The following C1orf174 variants were observed in gnomAD, a reference collection of about 807,000 sequenced individuals.
The protein encoded by C1orf174 is chromosome 1 open reading frame 174.
In C1orf174, 13 loss-of-function variants were observed where a neutral mutation model predicts 18.4. The ratio of observed to expected loss-of-function variants is 0.71; its 90% CI spans 0.46 to 1.12. The LOEUF (loss-of-function observed/expected upper bound fraction) is 1.12. C1orf174 is among the 50% of genes most tolerant of loss of function. The probability of loss-of-function intolerance (pLI) is 0.00; values close to 1 mark genes in which losing one functional copy is unlikely to be tolerated. For synonymous variants in C1orf174, 100 were observed against 118.3 expected, an observed-to-expected ratio of 0.85 and a Z score of 1.01; for missense variants, 309 against 308.0, an observed-to-expected ratio of 1.00 and a Z score of -0.02.
intron 2 of C1orf174, chr1:3,891,274 C>T: frequency 1.7e-6 from 1 of 594,216 alleles, no homozygotes; most frequent in East Asian, 3.3e-5. Context: ...TTTCAGTTTT[C>T]CCTAGTGGCG....
chr1:3,897,576 A>G (rs1638629515), intron 1 of C1orf174, among the ~76,000 whole-genome samples: 1 of 152,264 alleles, frequency 6.6e-6, no homozygotes, highest in Non-Finnish European at 1.5e-5. Context: ...ACCACCAGGA[A>G]TGCAGAGAGA....
chr1:3,899,561 A>G (rs192409879), intron 1 of C1orf174, among the ~76,000 whole-genome samples: 3 of 152,146 alleles, frequency 2.0e-5, no homozygotes, highest in Admixed American at 6.5e-5. Flanking sequence ...CTTTTAGCAC[A>G]TTCAGTAGAT....
chr1:3,898,181 A>C (rs905666875), intron 1 of C1orf174, among the ~76,000 whole-genome samples: 3 of 152,088 alleles, frequency 2.0e-5, no homozygotes, highest in African/African-American at 7.2e-5. Context: ...GCTCAAATAA[A>C]CTTGTCAACC....
At position 3,890,606 on chromosome 1, in the gene C1orf174, G is replaced by A; in HGVS notation, c.581C>T (p.Pro194Leu). The change falls in exon 3 of 4, where the codon CCC becomes CTC. Residue 194 changes from proline to leucine, a missense_variant. Transcript: ENST00000361605. ...FLDDDSNQPMPVSRFFGNVEL... is the reference protein window; with the variant it reads ...FLDDDSNQPMLVSRFFGNVEL... The stretch of plus-strand genomic sequence containing the variant: ...AACGTTTCCAAAGAACCGGCTCACG[G>A]GCATTGGCTGATTGCTGTCGTCATC... The A allele has an allele frequency of 6.2e-7, 1 of 1,614,092 alleles. No homozygotes were observed. The highest frequency in any genetic ancestry group is 8.5e-7 in the Non-Finnish European group (1 of 1,180,018).
At chr1:3,890,321 T>G (rs992390406) in intron 3 of C1orf174, among the ~76,000 whole-genome samples, 1 of 152,094 alleles carries the variant, frequency 6.6e-6, no homozygotes, top group African/African-American at 2.4e-5. Context: ...GGGTGGATGT[T>G]CAAAAAAACC....
At chr1:3,898,394 C>T (rs1230697037) in intron 1 of C1orf174, among the ~76,000 whole-genome samples, 1 of 152,134 alleles carries the variant, frequency 6.6e-6, no homozygotes, top group Non-Finnish European at 1.5e-5. Context: ...CCTGTAATCC[C>T]AGCCATTCCA....
chr1:3,897,175 A>T (rs1307831724), intron 1 of C1orf174, among the ~76,000 whole-genome samples: 1 of 152,262 alleles, frequency 6.6e-6, no homozygotes, highest in African/African-American at 2.4e-5. Context: ...ATACACTGGA[A>T]TAAAAGCAGG....
chr1:3,892,734 C>T (rs1187387186), intron 2 of C1orf174, 149 bp downstream of exon 2: 12 of 1,470,232 alleles, frequency 8.2e-6, no homozygotes, highest in Non-Finnish European at 1.1e-5. Context: ...AATTACAGTG[C>T]TGTCACCTTT....
At chr1:3,894,658 C>G (rs1232001790) in intron 1 of C1orf174, among the ~76,000 whole-genome samples, 2 of 152,078 alleles carry the variant, frequency 1.3e-5, no homozygotes, top group African/African-American at 4.8e-5. Flanking sequence ...CCCCGTAGCC[C>G]AAGACAGCTC....
chr1:3,898,730 T>C (rs78802412), intron 1 of C1orf174, among the ~76,000 whole-genome samples: 1,903 of 152,306 alleles, frequency 0.012, 42 homozygotes, highest in African/African-American at 0.043. Flanking sequence ...AGCAATTGTA[T>C]ACAGTAATAT....
intron 3 of C1orf174, among the ~76,000 whole-genome samples, chr1:3,890,306 G>A (rs921823612): frequency 4.6e-5 from 7 of 152,166 alleles, no homozygotes; most frequent in Non-Finnish European, 8.8e-5. Context: ...TTAACAGCAA[G>A]CGCGGGGTGG....
At position 3,890,007 on chromosome 1, in the gene C1orf174, T is replaced by C; in HGVS notation, c.685A>G (p.Arg229Gly). 6.2e-7 allele frequency: 1 copy of C among 1,614,254 alleles called. No homozygotes were observed. The highest frequency in any genetic ancestry group is 8.5e-7 in the Non-Finnish European group (1 of 1,180,046). The change falls in exon 4 of 4, where the codon AGA (arginine) becomes GGA (glycine). Residue 229 changes from arginine to glycine, a missense_variant. Arg to Gly is a moderately radical substitution (Grantham distance 125, BLOSUM62 -2). Transcript: ENST00000361605. ...TCGTCATCATCATCATCTTTGGCTC[T>C]GAAATGCATTTTTCTGAACTCTCGT... ...SRREFRKMHF[R>G]AKDDDDDDDD...
chr1:3,889,941 A>T lies in C1orf174; in HGVS notation c.*19T>A. ...TGTTAATGGTACTAAATACTCAAGG[A>T]CATTATTTTGTATGGCCCCTACATT... On this transcript the variant is annotated 3_prime_UTR_variant, in exon 4 of 4. Coordinates refer to ENST00000361605, the MANE Select transcript of C1orf174 (RefSeq NM_207356.3). 1 of 1,577,802 alleles carries T rather than the reference A, an allele frequency of 6.3e-7. No homozygotes were observed. The highest frequency in any genetic ancestry group is 8.7e-7 in the Non-Finnish European group (1 of 1,146,862).
chr1:3,896,223 G>A (rs748738435), intron 1 of C1orf174: 1 of 152,724 alleles, frequency 6.5e-6, no homozygotes, highest in African/African-American at 2.4e-5. Flanking sequence ...GAGAAGAGGG[G>A]CCCTCCTTTC....
chr1:3,893,136 G>A, intron 1 of C1orf174, 140 bp from the exon 2 acceptor site: 1 of 868,002 alleles, frequency 1.2e-6, no homozygotes, highest in Non-Finnish European at 1.8e-6. Context: ...AGACAGCTGT[G>A]GCCCGAATGT....
chr1:3,900,046 G>A, intron 1 of C1orf174, 126 bp downstream of exon 1: 1 of 1,200,064 alleles, frequency 8.3e-7, no homozygotes, highest in Non-Finnish European at 1.1e-6. Flanking sequence ...TGCCGGGGGC[G>A]AGGCCCAAGC....
At chr1:3,891,143 A>G (rs1638503737) in intron 2 of C1orf174, 86 bp from the exon 3 acceptor site, 16 of 1,436,844 alleles carry the variant, frequency 1.1e-5, no homozygotes, top group East Asian at 2.3e-5. Flanking sequence ...TTCTTCTCAC[A>G]TCGGAAATGA....
chr1:3,890,202 T>G, intron 3 of C1orf174, 129 bp from the exon 4 acceptor site: 1 of 718,916 alleles, frequency 1.4e-6, no homozygotes, highest in Non-Finnish European at 2.4e-6. Flanking sequence ...TGAAAATGCC[T>G]GAGTCCCAGC....
Position 3,890,942 on chromosome 1 carries a change from GAAGCGCTGTCATTCTTAGGGAC to G in C1orf174, c.223_244del (p.Val75LeufsTer5). Reference sequence around the variant, plus strand: ...GGTCTCAGGTGTCACTTTTGGCAAAGAAGCGCTGTCATTCTTAGGGACAAGCTTCTGTAATTCTGACTTCACA... The same window carrying G: ...GGTCTCAGGTGTCACTTTTGGCAAAGAAGCTTCTGTAATTCTGACTTCACA... On this transcript the variant is annotated frameshift_variant, in exon 3 of 4. Transcript: ENST00000361605. LOFTEE classifies it high-confidence loss of function. The G allele has an allele frequency of 6.2e-7, 1 of 1,614,154 alleles. No individual in the cohort carries two copies. Among genetic ancestry groups the G allele is most frequent in the African/African-American group, 1.3e-5 (1 of 75,036 alleles).
Sources: allele counts gnomAD v4.1 joint callset (sites outside exome capture counted in the v4.1 genomes callset), GRCh38; gene constraint gnomAD v4.1.1; transcripts MANE v1.5; gene names NCBI Gene and HGNC (gene_info 2026-07-23, HGNC 2026-07-21).